Variants in SLC1A2 observed in about 807,000 individuals in gnomAD.
The protein encoded by SLC1A2 is excitatory amino acid transporter 2.
Under a neutral mutation model 48.8 loss-of-function variants are expected in SLC1A2, and 15 were observed. The observed-to-expected ratio is 0.31, with a 90% confidence interval of 0.21 to 0.47. SLC1A2 has a LOEUF of 0.47. Among genes scored for constraint, SLC1A2 ranks in the 20% least tolerant of loss-of-function variants. The pLI is 0.99. For missense variants in SLC1A2, 502 were observed against 730.5 expected, an observed-to-expected ratio of 0.69 and a Z score of 3.61; for synonymous variants, 279 against 272.6, an observed-to-expected ratio of 1.02 and a Z score of -0.23.
In SLC1A2 at chr11:35,419,510, G is replaced by A. The variant is rs1855719895; in HGVS notation, c.-544C>T. 1 of 158,828 alleles carries A rather than the reference G, an allele frequency of 6.3e-6. No individual in the cohort carries two copies. Among genetic ancestry groups the A allele is most frequent in the African/African-American group, 2.4e-5 (1 of 41,558 alleles). 9.8% of individuals were successfully genotyped at this position (158,828 alleles called of 1,614,324 possible). ...CAAGGTTTAGCCCCGCCGGAGCTGG[G>A]GATTTGCAGGCGATCCCTCTCTATT... On this transcript the variant is annotated 5_prime_UTR_variant, in exon 1 of 11. Transcript: ENST00000278379. The surrounding 1 kb of genome is among the most constrained non-coding windows in gnomAD (Gnocchi z 5.4).
chr11:35,263,311 C>T (rs2134598839), intron 10 of SLC1A2, among the ~76,000 whole-genome samples: 1 of 151,938 alleles, frequency 6.6e-6, no homozygotes, highest in East Asian at 1.9e-4. Flanking sequence ...ACTAAAAATA[C>T]AAAAAAATTA....
At chr11:35,343,026 G>A (rs1243569749) in intron 1 of SLC1A2, among the ~76,000 whole-genome samples, 1 of 152,202 alleles carries the variant, frequency 6.6e-6, no homozygotes, top group Non-Finnish European at 1.5e-5. Context: ...ACTGGAGTTT[G>A]CAAGAGGGAC....
In SLC1A2 at chr11:35,257,973, T is replaced by G. The variant is rs1950336904; in HGVS notation, c.*2921A>C. ...ATTAGGATAAATCTATACATATAAT[T>G]GACAGGTTAAATGTATTCTATTTAG... On this transcript the variant is annotated 3_prime_UTR_variant, in exon 11 of 11. Transcript: ENST00000278379. The G allele has an allele frequency of 6.6e-6, 1 of 152,226 alleles. No homozygotes were observed. Among genetic ancestry groups the G allele is most frequent in the African/African-American group, 2.4e-5 (1 of 41,460 alleles). The allele number at this position is 152,226 out of a possible 1,614,324, so 9.4% of individuals were successfully genotyped here.
chr11:35,342,494 T>C (rs149778379), intron 1 of SLC1A2, among the ~76,000 whole-genome samples: 1 of 150,892 alleles, frequency 6.6e-6, no homozygotes, highest in East Asian at 2.0e-4. Flanking sequence ...CTCTCAGATG[T>C]AATGTACCTC....
chr11:35,355,112 C>G (rs561899059), intron 1 of SLC1A2, among the ~76,000 whole-genome samples: 1 of 152,116 alleles, frequency 6.6e-6, no homozygotes, highest in Non-Finnish European at 1.5e-5. Flanking sequence ...AACAATAGAG[C>G]ATGATGTAAA....
At chr11:35,284,816 C>A (rs554367395) in intron 8 of SLC1A2, among the ~76,000 whole-genome samples, 48 of 152,268 alleles carry the variant, frequency 3.2e-4, no homozygotes, top group African/African-American at 1.1e-3. Context: ...ATGATTAGAG[C>A]AAATTTCCAG....
chr11:35,399,642 A>G, intron 1 of SLC1A2: 6 of 977,960 alleles, frequency 6.1e-6, no homozygotes, highest in Non-Finnish European at 7.3e-6. Flanking sequence ...TCAATCATCT[A>G]TTCCTACTCA....
Position 35,397,917 on chromosome 11 carries a change from A to G in SLC1A2, c.17+21033T>C, listed in dbSNP as rs773907423. On this transcript the variant is annotated intron_variant, in intron 1 of 10. Transcript: ENST00000278379. ...CAGTTTATGGAATTGTGTGACACCAACCCAAACAAAGACATGAGTGAACTC... is the reference window on the plus strand; with the variant it reads ...CAGTTTATGGAATTGTGTGACACCAGCCCAAACAAAGACATGAGTGAACTC... 7.2e-5 allele frequency among the ~76,000 whole-genome samples: 11 copies of G among 152,190 alleles called. No individual in the cohort carries two copies. In the East Asian group the frequency reaches 9.6e-4, roughly 13 times the overall value.
intron 2 of SLC1A2, 103 bp downstream of exon 2, chr11:35,317,274 T>G (rs1851911363): frequency 1.5e-6 from 2 of 1,341,952 alleles, no homozygotes; most frequent in South Asian, 2.7e-5. Context: ...ACCACGTGGC[T>G]TCCTTTCTGG....
At chr11:35,373,223 G>A (rs575561591) in intron 1 of SLC1A2, among the ~76,000 whole-genome samples, 1 of 152,316 alleles carries the variant, frequency 6.6e-6, no homozygotes, top group East Asian at 1.9e-4. Flanking sequence ...TGAGATGGTG[G>A]CCACCCCTGC....
At chr11:35,392,872 T>C (rs1854825795) in intron 1 of SLC1A2, among the ~76,000 whole-genome samples, 1 of 152,124 alleles carries the variant, frequency 6.6e-6, no homozygotes, top group African/African-American at 2.4e-5. Flanking sequence ...CTTTAGGTGT[T>C]TCAGGGGGGT....
rs992836255 is a variant in SLC1A2, at chr11:35,254,097, G to C, written c.*6797C>G. The C allele has an allele frequency of 2.6e-5, 4 of 152,564 alleles. No individual in the cohort carries two copies. Among genetic ancestry groups the C allele is most frequent in the African/African-American group, 9.7e-5 (4 of 41,436 alleles). The allele number at this position is 152,564 out of a possible 1,614,324, so 9.5% of individuals were successfully genotyped here. The stretch of plus-strand genomic sequence containing the variant: ...GCAATATATTGTCCCTGGTAACACA[G>C]ACTCTTACCAGGAAGCCAAAATATA... On this transcript the variant is annotated 3_prime_UTR_variant, in exon 11 of 11. Coordinates refer to ENST00000278379, the MANE Select transcript of SLC1A2 (RefSeq NM_004171.4).
At chr11:35,358,884 A>G (rs866174981) in intron 1 of SLC1A2, among the ~76,000 whole-genome samples, 1 of 152,204 alleles carries the variant, frequency 6.6e-6, no homozygotes, top group East Asian at 1.9e-4. Context: ...TGTCACACCC[A>G]CACTCTACGT....
intron 6 of SLC1A2, among the ~76,000 whole-genome samples, chr11:35,293,805 G>A (rs1182564109): frequency 6.6e-6 from 1 of 152,188 alleles, no homozygotes; most frequent in East Asian, 1.9e-4. Flanking sequence ...GAAAAAATGT[G>A]AAGAGTAGAT....
chr11:35,331,160 G>A (rs148107715), intron 1 of SLC1A2, among the ~76,000 whole-genome samples: 299 of 152,268 alleles, frequency 2.0e-3, no homozygotes, highest in Non-Finnish European at 3.5e-3. Context: ...CTGAGATGTA[G>A]GCTGAAGTGT....
chr11:35,348,785 C>T (rs755672414), intron 1 of SLC1A2, among the ~76,000 whole-genome samples: 1 of 148,248 alleles, frequency 6.7e-6, no homozygotes, highest in African/African-American at 2.5e-5. Flanking sequence ...CCCAGCTACT[C>T]GGGAGGCTGA....
At chr11:35,378,064 G>A (rs1042344040) in intron 1 of SLC1A2, among the ~76,000 whole-genome samples, 1 of 152,192 alleles carries the variant, frequency 6.6e-6, no homozygotes, top group Non-Finnish European at 1.5e-5. Context: ...AACCACACAA[G>A]CTCCCAGAAA....
chr11:35,328,277 T>C (rs572020939), intron 1 of SLC1A2, among the ~76,000 whole-genome samples: 5 of 152,322 alleles, frequency 3.3e-5, no homozygotes, highest in African/African-American at 1.2e-4. Context: ...CAACTCTGGT[T>C]CTTCACCGGG....
At chr11:35,304,409 A>T (rs3794088) in intron 5 of SLC1A2, among the ~76,000 whole-genome samples, 32,516 of 152,044 alleles carry the variant, frequency 0.21, 3,841 homozygotes, top group Admixed American at 0.28. Flanking sequence ...GTTAGGAAGG[A>T]CCTGAAAGGA....
Sources: allele counts gnomAD v4.1 joint callset (sites outside exome capture counted in the v4.1 genomes callset), GRCh38; gene constraint gnomAD v4.1.1; non-coding constraint Gnocchi (gnomAD v3.1); transcripts MANE v1.5; gene names NCBI Gene and HGNC (gene_info 2026-07-23, HGNC 2026-07-21).